ASIC2: variants seen among roughly 807,000 people sequenced by gnomAD.
The protein encoded by ASIC2 is acid sensing ion channel subunit 2.
Under a neutral mutation model 57.3 loss-of-function variants are expected in ASIC2, and 25 were observed. The ratio of observed to expected loss-of-function variants is 0.44; its 90% CI spans 0.32 to 0.61. The LOEUF is 0.61. Ranked by LOEUF, ASIC2 falls within the 20% of genes least tolerant of loss-of-function variation. The probability of loss-of-function intolerance (pLI) is 0.06; values close to 1 mark genes in which losing one functional copy is unlikely to be tolerated. For synonymous variants in ASIC2, 319 were observed against 307.5 expected, an observed-to-expected ratio of 1.04 and a Z score of -0.39; for missense variants, 641 against 738.1, an observed-to-expected ratio of 0.87 and a Z score of 1.52.
At chr17:34,123,176 G>A (rs1911676795) in intron 1 of ASIC2, among the ~76,000 whole-genome samples, 1 of 152,072 alleles carries the variant, frequency 6.6e-6, no homozygotes, top group African/African-American at 2.4e-5. Flanking sequence ...ACAAGCTCTG[G>A]GCAGACAATC....
intron 1 of ASIC2, among the ~76,000 whole-genome samples, chr17:34,135,414 A>T (rs1237632987): frequency 1.3e-5 from 2 of 152,192 alleles, no homozygotes; most frequent in African/African-American, 4.8e-5. Context: ...TTTGGCTTCC[A>T]ACTCTCCAGA....
intron 1 of ASIC2, chr17:33,794,121 G>GAGCT (rs2142138913): frequency 6.6e-6 from 1 of 152,260 alleles, no homozygotes; most frequent in Admixed American, 6.5e-5. Context: ...CCATTCCACT[G>GAGCT]AGCTGCCTCC....
intron 6 of ASIC2, 67 bp downstream of exon 6, chr17:33,023,794 G>A (rs773467351): frequency 1.6e-4 from 258 of 1,591,086 alleles, no homozygotes; most frequent in Non-Finnish European, 2.2e-4. Flanking sequence ...TTTCCTCCTT[G>A]ATTGCCTCCA....
At chr17:33,415,963 T>C (rs1030834308) in intron 1 of ASIC2, among the ~76,000 whole-genome samples, 1 of 152,206 alleles carries the variant, frequency 6.6e-6, no homozygotes, top group African/African-American at 2.4e-5. Context: ...ATTATTTCCA[T>C]GGCGGTGTGA....
At chr17:33,417,389 G>T (rs1457211623) in intron 1 of ASIC2, among the ~76,000 whole-genome samples, 3 of 152,170 alleles carry the variant, frequency 2.0e-5, no homozygotes, top group East Asian at 3.9e-4. Flanking sequence ...TCTATTGCAA[G>T]AATTTCTTAA....
Position 33,707,598 on chromosome 17 carries a change from A to AT in ASIC2, c.555+448379dup, listed in dbSNP as rs545036692. Among the ~76,000 whole-genome samples the AT allele has an allele frequency of 1.4e-4, 21 of 152,200 alleles. No homozygotes were observed. In the East Asian group the frequency reaches 3.5e-3, roughly 25 times the overall value. On this transcript the variant is annotated intron_variant, in intron 1 of 9. Coordinates refer to the ASIC2 transcript ENST00000359872. ...GTAATTCTTGTTTCATGGATTCGAT[A>AT]TTTTTTACCTCTGTGAGAATGTAAA... is the stretch of plus-strand genomic sequence containing the variant.
chr17:33,892,067 A>T (rs1369232652), intron 1 of ASIC2, among the ~76,000 whole-genome samples: 1 of 152,218 alleles, frequency 6.6e-6, no homozygotes, highest in African/African-American at 2.4e-5. Flanking sequence ...TTAATTGTCC[A>T]GTAGGTGTCT....
At chr17:33,645,550 T>G (rs1175326465) in intron 1 of ASIC2, among the ~76,000 whole-genome samples, 1 of 152,224 alleles carries the variant, frequency 6.6e-6, no homozygotes, top group East Asian at 1.9e-4. Context: ...CCTGACCAGC[T>G]TTTCTGGAGC....
At chr17:33,044,856 C>A (rs1278422710) in intron 3 of ASIC2, among the ~76,000 whole-genome samples, 1 of 152,140 alleles carries the variant, frequency 6.6e-6, no homozygotes, top group Non-Finnish European at 1.5e-5. Context: ...CATGGTCCAA[C>A]TAATTGGGGG....
chr17:34,058,519 TAGCTC>T (rs59963147), intron 1 of ASIC2, among the ~76,000 whole-genome samples: 2,288 of 152,304 alleles, frequency 0.015, 52 homozygotes, highest in East Asian at 0.059. Flanking sequence ...AACAAATGCT[TAGCTC>T]AGACTTTCAT....
At chr17:33,760,242 C>T (rs919182184) in intron 1 of ASIC2, among the ~76,000 whole-genome samples, 14 of 151,768 alleles carry the variant, frequency 9.2e-5, no homozygotes, top group East Asian at 1.9e-4. Context: ...ACACAATTAG[C>T]GATTCTGCTG....
intron 1 of ASIC2, among the ~76,000 whole-genome samples, chr17:33,306,337 GT>G (rs971002682): frequency 5.3e-5 from 8 of 152,208 alleles, no homozygotes; most frequent in South Asian, 2.1e-4. Context: ...CTCTTGGAGT[GT>G]TTTTTCCCCC....
chr17:33,657,757 T>TAAA (rs34103812), intron 1 of ASIC2, among the ~76,000 whole-genome samples: 58 of 103,420 alleles, frequency 5.6e-4, no homozygotes, highest in South Asian at 1.8e-3. Context: ...TGGCAGTTTC[T>TAAA]AAAAAAAAAA....
intron 1 of ASIC2, among the ~76,000 whole-genome samples, chr17:33,586,592 AAT>A (rs1904641625): frequency 6.6e-6 from 1 of 152,128 alleles, no homozygotes; most frequent in Non-Finnish European, 1.5e-5. Flanking sequence ...TGGCTTTCTG[AAT>A]ATGCCCAATG....
intron 1 of ASIC2, among the ~76,000 whole-genome samples, chr17:34,066,984 C>T (rs2142064714): frequency 6.6e-6 from 1 of 152,352 alleles, no homozygotes; most frequent in East Asian, 1.9e-4. Flanking sequence ...AGTGACGGCA[C>T]TACCAATTTA....
chr17:33,921,393 T>A (rs1022167325), intron 1 of ASIC2, among the ~76,000 whole-genome samples: 1 of 152,228 alleles, frequency 6.6e-6, no homozygotes, highest in Non-Finnish European at 1.5e-5. Context: ...TAACTTGTAA[T>A]CATTGTTTTT....
At chr17:34,127,591 G>A (rs1362062312) in intron 1 of ASIC2, among the ~76,000 whole-genome samples, 1 of 152,114 alleles carries the variant, frequency 6.6e-6, no homozygotes, top group East Asian at 1.9e-4. Flanking sequence ...CGAGAGGGAA[G>A]GCATGGAGTG....
rs1185580212 is a variant in ASIC2, at chr17:33,023,760, C to A, written c.1349+101G>T. 2.7e-6 allele frequency: 4 copies of A among 1,503,400 alleles called. No homozygotes were observed. In the Admixed American group the frequency reaches 7.2e-5, roughly 27 times the overall value. The allele number at this position is 1,503,400 out of a possible 1,614,324, so 93.1% of individuals were successfully genotyped here. On this transcript the variant is annotated intron_variant, in intron 6 of 9. Coordinates refer to ENST00000225823, the MANE Select transcript of ASIC2 (RefSeq NM_183377.2). Reference sequence around the variant, plus strand: ...AGGGTGTTCAACTAATGTTTGCTAACTTGAACCAAATGCTTATCTTTGCTT... The same window carrying A: ...AGGGTGTTCAACTAATGTTTGCTAAATTGAACCAAATGCTTATCTTTGCTT...
At chr17:33,030,440 C>T (rs948177163) in intron 3 of ASIC2, among the ~76,000 whole-genome samples, 21 of 152,094 alleles carry the variant, frequency 1.4e-4, no homozygotes, top group African/African-American at 4.8e-4. Flanking sequence ...TGCTTTTGCA[C>T]GTATCAGTAG....
Sources: allele counts gnomAD v4.1 joint callset (sites outside exome capture counted in the v4.1 genomes callset), GRCh38; gene constraint gnomAD v4.1.1; transcripts MANE v1.5; gene names NCBI Gene and HGNC (gene_info 2026-07-23, HGNC 2026-07-21).